FBN1: variants seen among roughly 807,000 people sequenced by gnomAD.
The protein encoded by FBN1 is fibrillin 1, also known as fibrillin-1.
FBN1 carries 29 observed loss-of-function variants against 365.1 expected under a neutral mutation model. The ratio of observed to expected loss-of-function variants is 0.08; its 90% confidence interval spans 0.06 to 0.11. The LOEUF (loss-of-function observed/expected upper bound fraction) is 0.11. FBN1 is among the 10% of genes least tolerant of loss of function. The pLI, the probability that FBN1 is intolerant of heterozygous loss-of-function variation, is 1.00. For synonymous variants in FBN1, 1,210 were observed against 1,270.5 expected, an observed-to-expected ratio of 0.95 and a Z score of 1.01; for missense variants, 2,476 against 3,703.2, an observed-to-expected ratio of 0.67 and a Z score of 8.60.
At chr15:48,448,943 T>G (rs747723320) in intron 45 of FBN1, 50 bp from the exon 46 acceptor site, 16 of 1,474,542 alleles carry the variant, frequency 1.1e-5, no homozygotes, top group African/African-American at 2.8e-5. Flanking sequence ...AAAATATAAT[T>G]GAATAACTTA....
In FBN1 at chr15:48,409,833, G is replaced by A. The variant is rs1282312604; in HGVS notation, c.*1157C>T. ...ATGAATTAGGTCATGTTTCAGAAAT[G>A]ACTCTACAATCTAAATTTCTCACAA... On this transcript the variant is annotated 3_prime_UTR_variant, in exon 66 of 66. Coordinates refer to ENST00000316623, the MANE Select transcript of FBN1 (RefSeq NM_000138.5). 6.6e-6 allele frequency: 1 copy of A among 152,166 alleles called. No individual in the cohort carries two copies. The highest frequency in any genetic ancestry group is 1.5e-5 in the Non-Finnish European group (1 of 68,024). The allele number at this position is 152,166 out of a possible 1,614,324, so 9.4% of individuals were successfully genotyped here. A position where few individuals can be genotyped will look rare whatever the true frequency, so the allele number is the denominator to read the frequency against.
chr15:48,434,520 T>G (rs1034112563), intron 54 of FBN1, 74 bp downstream of exon 54: 1 of 1,581,438 alleles, frequency 6.3e-7, no homozygotes, highest in Admixed American at 1.7e-5. Flanking sequence ...GTATTTAATA[T>G]TAAGACTTGT....
chr15:48,419,222 G>C (rs975204124), intron 63 of FBN1, among the ~76,000 whole-genome samples: 1 of 152,116 alleles, frequency 6.6e-6, no homozygotes, highest in African/African-American at 2.4e-5. Context: ...TGTTTTTTTA[G>C]AGTGTCCAGC....
chr15:48,458,235 C>G (rs560260252), intron 43 of FBN1, among the ~76,000 whole-genome samples: 2 of 152,314 alleles, frequency 1.3e-5, no homozygotes, highest in African/African-American at 4.8e-5. Context: ...GTGGAGCCTA[C>G]AAGAGCTGCT....
intron 6 of FBN1, among the ~76,000 whole-genome samples, chr15:48,590,396 A>G (rs927304986): frequency 3.9e-5 from 6 of 152,220 alleles, no homozygotes; most frequent in African/African-American, 1.4e-4. Flanking sequence ...AGTCCTTTCC[A>G]TTCACTAGAC....
intron 4 of FBN1, 136 bp downstream of exon 4, chr15:48,610,592 T>C: frequency 1.4e-6 from 1 of 698,412 alleles, no homozygotes; most frequent in East Asian, 2.8e-5. Context: ...TCCAAGTATT[T>C]TGGGCAGAAC....
intron 4 of FBN1, among the ~76,000 whole-genome samples, chr15:48,607,975 C>T (rs1204953488): frequency 1.3e-5 from 2 of 152,224 alleles, no homozygotes; most frequent in Admixed American, 6.5e-5. Flanking sequence ...ACTGTTTTGA[C>T]GCTGTCTAGC....
At chr15:48,463,782 G>A (rs2043298978) in intron 41 of FBN1, 117 bp downstream of exon 41, 1 of 1,154,140 alleles carries the variant, frequency 8.7e-7, no homozygotes, top group Admixed American at 2.0e-5. Flanking sequence ...AGACAGTGAA[G>A]GGATGCCAGC....
At chr15:48,595,805 T>C (rs1197303826) in intron 6 of FBN1, among the ~76,000 whole-genome samples, 1 of 152,186 alleles carries the variant, frequency 6.6e-6, no homozygotes, top group Non-Finnish European at 1.5e-5. Flanking sequence ...ACACTCAATA[T>C]ATCTATGGTG....
intron 2 of FBN1, among the ~76,000 whole-genome samples, chr15:48,631,364 T>C (rs1375449178): frequency 6.6e-6 from 1 of 152,054 alleles, no homozygotes; most frequent in African/African-American, 2.4e-5. Flanking sequence ...CTGTCCCCAA[T>C]CACGCAAGCA....
chr15:48,533,398 G>A (rs942344289), intron 8 of FBN1, among the ~76,000 whole-genome samples: 2 of 152,104 alleles, frequency 1.3e-5, no homozygotes, highest in African/African-American at 4.8e-5. Context: ...CCCCTCTCAC[G>A]AAGAAATTAT....
At chr15:48,472,206 C>T (rs2043381802) in intron 35 of FBN1, among the ~76,000 whole-genome samples, 1 of 152,176 alleles carries the variant, frequency 6.6e-6, no homozygotes. Flanking sequence ...GCTCTTTTCT[C>T]CCTCAGTAGG....
At chr15:48,433,466 G>C (rs576015553) in intron 54 of FBN1, among the ~76,000 whole-genome samples, 4 of 152,100 alleles carry the variant, frequency 2.6e-5, no homozygotes, top group Non-Finnish European at 5.9e-5. Context: ...AAACAAAGAG[G>C]CTCCTGTGAA....
intron 63 of FBN1, among the ~76,000 whole-genome samples, chr15:48,418,723 T>G (rs1052187711): frequency 6.6e-6 from 1 of 152,192 alleles, no homozygotes; most frequent in Non-Finnish European, 1.5e-5. Context: ...AAGAGACAAT[T>G]CGAATTTTAC....
chr15:48,451,935 T>A (rs2043204591), intron 45 of FBN1, among the ~76,000 whole-genome samples: 1 of 152,162 alleles, frequency 6.6e-6, no homozygotes, highest in Non-Finnish European at 1.5e-5. Flanking sequence ...TTCTATCACA[T>A]CCCTGACAAA....
At position 48,460,202 on chromosome 15, in the gene FBN1, A is replaced by C. The variant is rs758016313; in HGVS notation, c.5296+44T>G. The stretch of plus-strand genomic sequence containing the variant: ...GAACTGAAAAAATAATGCTAACACA[A>C]AGGCAAAAAACCAGAAAGTTCTGAC... On this transcript the variant is annotated intron_variant, in intron 43 of 65. Transcript: ENST00000316623. 2.0e-6 allele frequency: 3 copies of C among 1,470,338 alleles called. No homozygotes were observed. The Admixed American group carries it at 5.0e-5, about 25-fold the overall frequency. The allele number at this position is 1,470,338 out of a possible 1,614,324, so 91.1% of individuals were successfully genotyped here.
intron 8 of FBN1, among the ~76,000 whole-genome samples, chr15:48,533,813 G>T (rs1566921520): frequency 1.3e-5 from 2 of 152,068 alleles, no homozygotes; most frequent in Non-Finnish European, 2.9e-5. Flanking sequence ...CCAAATGTTG[G>T]TTCAAAAATA....
intron 58 of FBN1, 116 bp from the exon 59 acceptor site, chr15:48,425,980 G>T (rs2042977156): frequency 1.2e-6 from 1 of 801,026 alleles, no homozygotes; most frequent in Admixed American, 2.1e-5. Context: ...TTGGGCCTAA[G>T]AAATTAAACC....
chr15:48,491,354 CTTT>C (rs906446030), intron 24 of FBN1, among the ~76,000 whole-genome samples: 1 of 142,786 alleles, frequency 7.0e-6, no homozygotes, highest in African/African-American at 2.6e-5. Flanking sequence ...TTTTTCTTTT[CTTT>C]TTTTTTTTTT....
Sources: allele counts gnomAD v4.1 joint callset (sites outside exome capture counted in the v4.1 genomes callset), GRCh38; gene constraint gnomAD v4.1.1; transcripts MANE v1.5; gene names NCBI Gene and HGNC (gene_info 2026-07-23, HGNC 2026-07-21).